EPM2A: variants seen among roughly 807,000 people sequenced by gnomAD.
EPM2A encodes laforin.
Under a neutral mutation model 26.5 loss-of-function variants are expected in EPM2A, and 21 were observed. The observed-to-expected ratio is 0.79, with a 90% CI of 0.56 to 1.14. EPM2A has a LOEUF of 1.14. Ranked by LOEUF, EPM2A falls within the 50% of genes most tolerant of loss-of-function variation. The pLI, the probability that EPM2A is intolerant of heterozygous loss-of-function variation, is 0.00. For missense variants in EPM2A, 458 were observed against 440.8 expected, an observed-to-expected ratio of 1.04 and a Z score of -0.35; for synonymous variants, 217 against 177.6, an observed-to-expected ratio of 1.22 and a Z score of -1.76.
At chr6:145,507,787 C>A (rs1175983661) in intron 2 of EPM2A, among the ~76,000 whole-genome samples, 3 of 152,282 alleles carry the variant, frequency 2.0e-5, no homozygotes, top group Admixed American at 1.3e-4. Flanking sequence ...GGCTCTCTCT[C>A]ACCACAAGAC....
rs373112057 is a variant in EPM2A, at chr6:145,425,037, G to C, written c.556-40940C>G. Reference sequence around the variant, plus strand: ...ATAAAAGGCCACATATCTATATACAGTACAGTACCATATGCGATTGAGATT... The same window carrying C: ...ATAAAAGGCCACATATCTATATACACTACAGTACCATATGCGATTGAGATT... On this transcript the variant is annotated intron_variant, in intron 4 of 4. Coordinates refer to the EPM2A transcript ENST00000638717. Among the ~76,000 whole-genome samples the C allele has an allele frequency of 1.4e-3, 206 of 152,006 alleles. 1 individual carries two copies. Among genetic ancestry groups the C allele is most frequent in the African/African-American group, 4.6e-3 (190 of 41,462 alleles).
downstream of EPM2A, among the ~76,000 whole-genome samples, chr6:145,621,614 C>A (rs1047095056): frequency 7.0e-6 from 1 of 142,366 alleles, no homozygotes; most frequent in African/African-American, 2.6e-5. Flanking sequence ...CTATCTCTTG[C>A]TTTTTTTTTT....
chr6:145,649,818 C>T (rs1777746624), intron 2 of EPM2A, among the ~76,000 whole-genome samples: 1 of 152,256 alleles, frequency 6.6e-6, no homozygotes, highest in East Asian at 1.9e-4. Context: ...ATCATTTAGC[C>T]TAGAAAGCCT....
intron 4 of EPM2A, among the ~76,000 whole-genome samples, chr6:145,431,983 A>G (rs1378596717): frequency 6.6e-6 from 1 of 152,246 alleles, no homozygotes; most frequent in Non-Finnish European, 1.5e-5. Context: ...ACCATCTCAG[A>G]AAATCACATT....
intron 2 of EPM2A, among the ~76,000 whole-genome samples, chr6:145,554,912 A>C (rs1368258114): frequency 1.3e-5 from 2 of 152,108 alleles, no homozygotes. Flanking sequence ...GTCTCAAGGC[A>C]GAATTTCTTC....
chr6:145,470,257 T>C (rs75737051), intron 4 of EPM2A, among the ~76,000 whole-genome samples: 11,959 of 151,484 alleles, frequency 0.079, 670 homozygotes, highest in East Asian at 0.27. Flanking sequence ...TTATACATTG[T>C]ATTTCTGTAT....
At chr6:145,532,618 A>G (rs1780374192) in intron 2 of EPM2A, among the ~76,000 whole-genome samples, 1 of 152,128 alleles carries the variant, frequency 6.6e-6, no homozygotes, top group Non-Finnish European at 1.5e-5. Flanking sequence ...GCAACTCTTT[A>G]CAGCACTCTC....
chr6:145,588,672 AT>A (rs1432694370), intron 2 of EPM2A, among the ~76,000 whole-genome samples: 3 of 152,214 alleles, frequency 2.0e-5, no homozygotes, highest in Non-Finnish European at 4.4e-5. Context: ...CATTCAAACT[AT>A]TTTTGAGCAC....
chr6:145,679,036 G>T (rs2128607172), intron 2 of EPM2A, among the ~76,000 whole-genome samples: 1 of 152,282 alleles, frequency 6.6e-6, no homozygotes, highest in South Asian at 2.1e-4. Flanking sequence ...TTAAGAAAAT[G>T]TGGCACATAT....
chr6:145,557,869 C>G (rs370654), intron 2 of EPM2A, among the ~76,000 whole-genome samples: 55,313 of 151,852 alleles, frequency 0.36, 10,493 homozygotes, highest in South Asian at 0.51. Context: ...TATCCTTTGA[C>G]CAACATCTCC....
At chr6:145,392,767 G>A (rs1443803462) in intron 4 of EPM2A, among the ~76,000 whole-genome samples, 1 of 152,092 alleles carries the variant, frequency 6.6e-6, no homozygotes, top group Non-Finnish European at 1.5e-5. Context: ...TGCTCCAGAT[G>A]TTAGCGGGAC....
At position 145,422,723 on chromosome 6, in the gene EPM2A, C is replaced by A. The variant is rs1251539462; in HGVS notation, c.556-38626G>T. Among the ~76,000 whole-genome samples the A allele has an allele frequency of 2.0e-5, 3 of 152,148 alleles. No individual in the cohort carries two copies. In the South Asian group the frequency reaches 6.2e-4, roughly 32 times the overall value. On this transcript the variant is annotated intron_variant, in intron 4 of 4. Coordinates refer to the EPM2A transcript ENST00000638717. ...TTGATTTTTTTCTCAGTTTTATTGG[C>A]AGTACAATAAAACAGAATTTTGTTA...
intron 2 of EPM2A, among the ~76,000 whole-genome samples, chr6:145,654,648 G>A (rs1256121167): frequency 2.0e-5 from 3 of 152,036 alleles, no homozygotes; most frequent in Non-Finnish European, 4.4e-5. Flanking sequence ...CCGCAGAAAC[G>A]GTAGGTATAA....
At chr6:145,456,439 C>A (rs962260320) in intron 4 of EPM2A, among the ~76,000 whole-genome samples, 1 of 152,004 alleles carries the variant, frequency 6.6e-6, no homozygotes, top group African/African-American at 2.4e-5. Flanking sequence ...AAGAGATGAA[C>A]AGAGAGATTG....
intron 4 of EPM2A, among the ~76,000 whole-genome samples, chr6:145,432,974 C>A (rs1778940985): frequency 6.6e-6 from 1 of 152,114 alleles, no homozygotes; most frequent in Admixed American, 6.6e-5. Flanking sequence ...TTTTCCTCTG[C>A]AGCTTCCTCA....
chr6:145,687,427 G>A (rs1780999102), intron 1 of EPM2A, among the ~76,000 whole-genome samples: 1 of 152,040 alleles, frequency 6.6e-6, no homozygotes, highest in Admixed American at 6.6e-5. Context: ...GTTTATAGCA[G>A]CTCAAATGGT....
chr6:145,424,734 A>T (rs1482764383), intron 4 of EPM2A, among the ~76,000 whole-genome samples: 1 of 152,178 alleles, frequency 6.6e-6, no homozygotes, highest in Non-Finnish European at 1.5e-5. Context: ...TTTATAAAAG[A>T]GACCCCAGAA....
intron 2 of EPM2A, among the ~76,000 whole-genome samples, chr6:145,593,483 C>T (rs1781301712): frequency 5.3e-5 from 8 of 152,094 alleles, no homozygotes. Context: ...TATACAAATT[C>T]TTCTCATATT....
chr6:145,664,594 G>A (rs1047705540), intron 2 of EPM2A, among the ~76,000 whole-genome samples: 5 of 151,082 alleles, frequency 3.3e-5, no homozygotes, highest in African/African-American at 1.2e-4. Flanking sequence ...GTCAATATTA[G>A]ACAGATCAAC....
Sources: allele counts gnomAD v4.1 joint callset (sites outside exome capture counted in the v4.1 genomes callset), GRCh38; gene constraint gnomAD v4.1.1; transcripts MANE v1.5; gene names NCBI Gene and HGNC (gene_info 2026-07-23, HGNC 2026-07-21).